The following MTMR3 variants were observed in gnomAD, a reference collection of about 807,000 sequenced individuals.
The protein encoded by MTMR3 is phosphatidylinositol-3,5-bisphosphate 3-phosphatase MTMR3.
A neutral mutation model predicts 132.4 loss-of-function variants in MTMR3; 32 were observed. That is an observed-to-expected ratio of 0.24 (90% CI 0.18 to 0.32). The LOEUF is 0.32. Among genes scored for constraint, MTMR3 ranks in the 10% least tolerant of loss-of-function variants. The pLI, the probability that MTMR3 is intolerant of heterozygous loss-of-function variation, is 1.00. For synonymous variants in MTMR3, 556 were observed against 550.3 expected (o/e 1.01, Z -0.14); for missense variants, 1,216 against 1,489.6 (o/e 0.82, Z 3.02).
At chr22:29,931,582 CTT>C (rs914857932) in intron 1 of MTMR3, among the ~76,000 whole-genome samples, 27 of 152,152 alleles carry the variant, frequency 1.8e-4, no homozygotes, top group African/African-American at 6.5e-4. Flanking sequence ...GCCCAGCTAA[CTT>C]TTGTATTTTT....
At chr22:29,941,194 A>G (rs377336646) in intron 1 of MTMR3, among the ~76,000 whole-genome samples, 7 of 139,946 alleles carry the variant, frequency 5.0e-5, no homozygotes, top group African/African-American at 1.7e-4. Flanking sequence ...CTTTGAGTCA[A>G]CATCATGCTT....
chr22:30,011,945 CT>C (rs575070672), intron 12 of MTMR3: 37 of 151,696 alleles, frequency 2.4e-4, no homozygotes, highest in Non-Finnish European at 3.4e-4. Flanking sequence ...CTTTTCTTTT[CT>C]TTTTTTTTTG....
rs1313151139 is a variant in MTMR3, at chr22:30,017,952, G to A, written c.1700G>A (p.Arg567His). 15 of 1,613,568 alleles carry A rather than the reference G, an allele frequency of 9.3e-6. No individual in the cohort carries two copies. Among genetic ancestry groups the A allele is most frequent in the African/African-American group, 2.7e-5 (2 of 74,870 alleles). Residue 567 changes from arginine to histidine, a missense_variant, in exon 16 of 20, where the codon CGT becomes CAT. By Grantham distance (29) the Arg-to-His change is conservative. Around this residue, in one of 7 missense-constraint regions of MTMR3, gnomAD observed 852 missense variants for 852.0 expected, o/e 1.00. Coordinates refer to ENST00000401950, the MANE Select transcript of MTMR3 (RefSeq NM_021090.4). ...EAVLYPVCHVRNLMLWSAVYL... is the reference protein window; with the variant it reads ...EAVLYPVCHVHNLMLWSAVYL... Reference sequence around the variant, plus strand: ...GTGCTGTACCCTGTGTGCCATGTGCGTAACCTGATGCTGTGGAGTGCAGTG... The same window carrying A: ...GTGCTGTACCCTGTGTGCCATGTGCATAACCTGATGCTGTGGAGTGCAGTG...
chr22:30,008,938 T>C (rs908021707), intron 11 of MTMR3, 80 bp from the exon 12 acceptor site: 1 of 929,712 alleles, frequency 1.1e-6, no homozygotes, highest in Non-Finnish European at 1.8e-6. Context: ...GTTTGTTTTA[T>C]AGCCAGTTTG....
At position 30,012,415 on chromosome 22, in the gene MTMR3, T is replaced by C; in HGVS notation, c.1169T>C (p.Val390Ala). Residue 390 changes from valine to alanine, a missense_variant, in exon 13 of 20, where the codon GTG becomes GCG. Val to Ala is a moderately conservative substitution (Grantham distance 64, BLOSUM62 0). Around this residue, in one of 7 missense-constraint regions of MTMR3, gnomAD observed 106 missense variants for 209.5 expected, o/e 0.51. Transcript: ENST00000401950. ...ACAAAATGGCTCCATCACTTGTCTG[T>C]GCTTCTGAAATCAGCGCTTCTGGTA... ...ESTKWLHHLS[V>A]LLKSALLVVH... 6.2e-7 allele frequency: 1 copy of C among 1,614,214 alleles called. No individual in the cohort carries two copies. The highest frequency in any genetic ancestry group is 8.5e-7 in the Non-Finnish European group (1 of 1,180,028).
At chr22:29,998,941 C>G (rs1345131026) in intron 8 of MTMR3, 84 bp downstream of exon 8, 2 of 803,578 alleles carry the variant, frequency 2.5e-6, no homozygotes, top group Non-Finnish European at 3.8e-6. Context: ...AACATTTGAA[C>G]TTAGACTTTT....
intron 17 of MTMR3, chr22:30,021,566 T>C (rs940464895): frequency 3.7e-5 from 6 of 163,790 alleles, no homozygotes; most frequent in Admixed American, 3.6e-4. Context: ...GGCGGGCACA[T>C]CCAGTGACTT....
intron 5 of MTMR3, chr22:29,979,734 A>G (rs2145887368): frequency 6.6e-6 from 1 of 152,580 alleles, no homozygotes; most frequent in East Asian, 1.9e-4. Flanking sequence ...CTTGGCCTTA[A>G]TGTCAAAAGA....
intron 1 of MTMR3, among the ~76,000 whole-genome samples, chr22:29,886,985 G>A (rs1224060677): frequency 6.6e-6 from 1 of 152,086 alleles, no homozygotes; most frequent in African/African-American, 2.4e-5. Context: ...ATTGATTTAA[G>A]TTATAAGATG....
intron 1 of MTMR3, among the ~76,000 whole-genome samples, chr22:29,932,011 C>G (rs2065657085): frequency 1.3e-5 from 2 of 152,058 alleles, no homozygotes; most frequent in African/African-American, 2.4e-5. Context: ...GAAAAAATTC[C>G]CATCTCAGAG....
intron 15 of MTMR3, chr22:30,017,640 T>G: frequency 3.0e-6 from 1 of 331,076 alleles, no homozygotes. Flanking sequence ...AAGTCAGACA[T>G]TGAAGGTGAC....
At chr22:29,910,063 C>T (rs1008280212) in intron 1 of MTMR3, among the ~76,000 whole-genome samples, 5 of 151,780 alleles carry the variant, frequency 3.3e-5, no homozygotes, top group Non-Finnish European at 7.4e-5. Flanking sequence ...ACTCGGGAGG[C>T]TGAGGCAGGA....
intron 2 of MTMR3, among the ~76,000 whole-genome samples, chr22:29,959,384 C>T (rs200974410): frequency 2.8e-4 from 42 of 151,956 alleles, no homozygotes; most frequent in Admixed American, 2.0e-3. Flanking sequence ...ATTTTATTTA[C>T]GTATTTATTT....
At chr22:29,908,346 C>G (rs955158263) in intron 1 of MTMR3, among the ~76,000 whole-genome samples, 3 of 152,198 alleles carry the variant, frequency 2.0e-5, no homozygotes, top group Admixed American at 6.5e-5. Context: ...CTGCTTCCTG[C>G]TAGAACAGAC....
rs1391321232 is a variant in MTMR3, at chr22:30,026,126, T to C, written c.*325T>C. Reference sequence around the variant, plus strand: ...CGAGCTGCCTGCTGTCACGTGACACTGAGGGATGGCTTGTTTCTTCCGGGT... The same window carrying C: ...CGAGCTGCCTGCTGTCACGTGACACCGAGGGATGGCTTGTTTCTTCCGGGT... On this transcript the variant is annotated 3_prime_UTR_variant, in exon 20 of 20. Coordinates refer to ENST00000401950, the MANE Select transcript of MTMR3 (RefSeq NM_021090.4). The C allele has an allele frequency of 7.2e-6, 2 of 279,160 alleles. No individual in the cohort carries two copies. The highest frequency in any genetic ancestry group is 1.4e-5 in the Non-Finnish European group (2 of 146,468). 17.3% of individuals were successfully genotyped at this position (279,160 alleles called of 1,614,324 possible).
At chr22:29,961,927 G>C (rs1341827226) in intron 2 of MTMR3, among the ~76,000 whole-genome samples, 2 of 152,218 alleles carry the variant, frequency 1.3e-5, no homozygotes, top group Non-Finnish European at 2.9e-5. Context: ...ATTCAGTACA[G>C]TAACATGCTG....
chr22:29,945,229 T>C (rs2065929360), intron 1 of MTMR3, among the ~76,000 whole-genome samples: 1 of 152,170 alleles, frequency 6.6e-6, no homozygotes, highest in Non-Finnish European at 1.5e-5. Context: ...GGTCTCGAAC[T>C]CCTAGGCTCC....
At chr22:29,909,904 C>G (rs181514265) in intron 1 of MTMR3, among the ~76,000 whole-genome samples, 416 of 148,694 alleles carry the variant, frequency 2.8e-3, no homozygotes, top group African/African-American at 9.7e-3. Context: ...GCCTGTAATC[C>G]CAGCACTTTG....
intron 15 of MTMR3, chr22:30,016,980 T>C (rs1237247904): frequency 3.0e-6 from 1 of 332,064 alleles, no homozygotes; most frequent in Non-Finnish European, 5.5e-6. Flanking sequence ...CCTCCAGAGC[T>C]TATTTCTAGC....
Sources: allele counts gnomAD v4.1 joint callset (sites outside exome capture counted in the v4.1 genomes callset), GRCh38; gene constraint gnomAD v4.1.1; regional missense constraint gnomAD v4.1.1; transcripts MANE v1.5; gene names NCBI Gene and HGNC (gene_info 2026-07-23, HGNC 2026-07-21).